MRPL3: variants seen among roughly 807,000 people sequenced by gnomAD.
MRPL3 encodes mitochondrial ribosomal protein L3, also known as large ribosomal subunit protein uL3m.
A neutral mutation model predicts 44.3 loss-of-function variants in MRPL3; 43 were observed. The observed-to-expected ratio is 0.97, with a 90% CI of 0.76 to 1.25. The LOEUF (loss-of-function observed/expected upper bound fraction) is 1.25, where lower values mean the gene tolerates loss of function less well. Among genes scored for constraint, MRPL3 ranks in the 50% most tolerant of loss-of-function variants. The pLI is 0.00. For missense variants in MRPL3, 406 were observed against 427.6 expected (o/e 0.95, Z 0.45); for synonymous variants, 171 against 152.3 (o/e 1.12, Z -0.91).
intron 4 of MRPL3, among the ~76,000 whole-genome samples, chr3:131,491,706 C>A (rs979997418): frequency 6.6e-6 from 1 of 152,090 alleles, no homozygotes. Flanking sequence ...ATATAGCCCA[C>A]GCCAACCACT....
intron 6 of MRPL3, among the ~76,000 whole-genome samples, chr3:131,475,995 C>T (rs1358240480): frequency 6.6e-6 from 1 of 152,186 alleles, no homozygotes; most frequent in Non-Finnish European, 1.5e-5. Context: ...TTTACTGGTA[C>T]TTCTGTGTTC....
chr3:131,493,360 G>A (rs1934299104), intron 4 of MRPL3, among the ~76,000 whole-genome samples: 1 of 152,190 alleles, frequency 6.6e-6, no homozygotes. Flanking sequence ...AGCCTTACCA[G>A]AGCACATTGC....
chr3:131,499,749 T>TAAC (rs1934453161), intron 3 of MRPL3, among the ~76,000 whole-genome samples: 1 of 151,818 alleles, frequency 6.6e-6, no homozygotes, highest in Non-Finnish European at 1.5e-5. Context: ...ATAATAATAA[T>TAAC]AATAACAACA....
At chr3:131,480,519 A>G (rs1933960410) in intron 6 of MRPL3, among the ~76,000 whole-genome samples, 1 of 152,226 alleles carries the variant, frequency 6.6e-6, no homozygotes, top group Admixed American at 6.5e-5. Flanking sequence ...TTTATCAACA[A>G]GAGTGCAAGG....
Position 131,490,017 on chromosome 3 carries a change from T to A in MRPL3, c.532A>T (p.Ile178Phe). The A allele has an allele frequency of 6.2e-7, 1 of 1,611,854 alleles. No individual in the cohort carries two copies. ...LGLPPKQTVK[I>F]FNITDNAAIK... is the part of the protein sequence containing the mutation. ...GCAGCATTATCTGTTATATTAAAGA[T>A]TTTAACTGTCTGTTTCGGCGGCAAT... The change falls in exon 5 of 10, where the codon ATC (isoleucine) becomes TTC (phenylalanine). Residue 178 changes from isoleucine (I) to phenylalanine (F), a missense_variant. Coordinates refer to ENST00000264995, the MANE Select transcript of MRPL3 (RefSeq NM_007208.4).
intron 6 of MRPL3, among the ~76,000 whole-genome samples, chr3:131,481,816 G>A (rs939651408): frequency 1.2e-4 from 18 of 152,214 alleles, no homozygotes; most frequent in Non-Finnish European, 2.1e-4. Context: ...CGTTAAAAAC[G>A]TACTGCTTTG....
intron 6 of MRPL3, among the ~76,000 whole-genome samples, chr3:131,486,024 T>C (rs1242568814): frequency 6.6e-6 from 1 of 152,072 alleles, no homozygotes; most frequent in Non-Finnish European, 1.5e-5. Flanking sequence ...TTATCATTTA[T>C]GTTGAAGAAA....
At chr3:131,474,489 T>C (rs1933809836) in intron 6 of MRPL3, among the ~76,000 whole-genome samples, 1 of 152,094 alleles carries the variant, frequency 6.6e-6, no homozygotes, top group Admixed American at 6.6e-5. Context: ...CTAGGGTATC[T>C]ATGGTTAACA....
chr3:131,463,481 A>G (rs1168968424), intron 9 of MRPL3, among the ~76,000 whole-genome samples: 5 of 151,816 alleles, frequency 3.3e-5, no homozygotes, highest in South Asian at 2.1e-4. Flanking sequence ...ATTTTATATC[A>G]TTCTTGATTT....
chr3:131,501,923 C>T (rs1318166727), intron 1 of MRPL3: 3 of 1,534,728 alleles, frequency 2.0e-6, no homozygotes, highest in African/African-American at 2.7e-5. Flanking sequence ...TTAGTCGTTA[C>T]CCTGGAGAAA....
chr3:131,501,942 T>C (rs1421620351), intron 1 of MRPL3: 1 of 1,529,362 alleles, frequency 6.5e-7, no homozygotes, highest in East Asian at 2.4e-5. Context: ...AAAAAATTCA[T>C]CTTCTCCTCG....
intron 4 of MRPL3, among the ~76,000 whole-genome samples, chr3:131,497,410 T>G (rs750249640): frequency 1.8e-4 from 27 of 152,240 alleles, no homozygotes; most frequent in Non-Finnish European, 3.7e-4. Flanking sequence ...ACCTGATAGT[T>G]TTGACAGTCA....
intron 3 of MRPL3, among the ~76,000 whole-genome samples, chr3:131,499,522 T>C (rs1934447611): frequency 6.6e-6 from 1 of 152,204 alleles, no homozygotes; most frequent in Non-Finnish European, 1.5e-5. Context: ...TTCACAAAAC[T>C]ATTGTCTTAT....
At chr3:131,469,090 T>C (rs780644676) in intron 8 of MRPL3, among the ~76,000 whole-genome samples, 3 of 152,138 alleles carry the variant, frequency 2.0e-5, no homozygotes, top group Non-Finnish European at 4.4e-5. Flanking sequence ...TTCTCATTGG[T>C]AGAGATTGAA....
Position 131,500,332 on chromosome 3 carries a change from A to G in MRPL3, c.369+98T>C. 1.3e-5 allele frequency: 12 copies of G among 927,800 alleles called. No homozygotes were observed. In the South Asian group the frequency reaches 1.4e-4, roughly 11 times the overall value. 57.5% of individuals were successfully genotyped at this position (927,800 alleles called of 1,614,324 possible). ...AACATCACCCCTTTCTTCACCATAC[A>G]GTTCCATGTTTCAGGACACAAATAG... On this transcript the variant is annotated intron_variant, in intron 3 of 9. Coordinates refer to ENST00000264995, the MANE Select transcript of MRPL3 (RefSeq NM_007208.4).
At chr3:131,492,580 T>C (rs533842716) in intron 4 of MRPL3, among the ~76,000 whole-genome samples, 2 of 152,310 alleles carry the variant, frequency 1.3e-5, no homozygotes, top group African/African-American at 4.8e-5. Context: ...CTGATCTGAC[T>C]GACAGGAGGT....
chr3:131,495,823 T>G (rs1371228461), intron 4 of MRPL3, among the ~76,000 whole-genome samples: 2 of 152,182 alleles, frequency 1.3e-5, no homozygotes, highest in African/African-American at 4.8e-5. Context: ...TCTTGAGAAT[T>G]AAAATATTCA....
intron 1 of MRPL3, chr3:131,501,989 T>C (rs921733470): frequency 7.4e-7 from 1 of 1,353,248 alleles, no homozygotes. Context: ...GTCCTACCTA[T>C]AGACATGAAA....
chr3:131,495,995 T>C (rs1030712573), intron 4 of MRPL3, among the ~76,000 whole-genome samples: 2 of 152,178 alleles, frequency 1.3e-5, no homozygotes, highest in Admixed American at 6.5e-5. Context: ...CCCACATCAC[T>C]TGTTTTCTCA....
Sources: allele counts gnomAD v4.1 joint callset (sites outside exome capture counted in the v4.1 genomes callset), GRCh38; gene constraint gnomAD v4.1.1; transcripts MANE v1.5; gene names NCBI Gene and HGNC (gene_info 2026-07-23, HGNC 2026-07-21).